RPS6KA4: variants seen among roughly 807,000 people sequenced by gnomAD.
RPS6KA4 encodes the protein ribosomal protein S6 kinase alpha-4.
Under a neutral mutation model 89.6 loss-of-function variants are expected in RPS6KA4, and 38 were observed. That is an observed-to-expected ratio of 0.42 (90% CI 0.33 to 0.56). The LOEUF (loss-of-function observed/expected upper bound fraction) is 0.56. Ranked by LOEUF, RPS6KA4 falls within the 20% of genes least tolerant of loss-of-function variation. RPS6KA4 has a pLI of 0.07. For synonymous variants in RPS6KA4, 495 were observed against 492.8 expected, an observed-to-expected ratio of 1.00 and a Z score of -0.06; for missense variants, 873 against 1,098.8, an observed-to-expected ratio of 0.79 and a Z score of 2.90.
chr11:64,369,164 G>A (rs1303200311), intron 12 of RPS6KA4, among the ~76,000 whole-genome samples: 2 of 152,150 alleles, frequency 1.3e-5, no homozygotes, highest in Non-Finnish European at 2.9e-5. Flanking sequence ...GGTGGCGTGC[G>A]CCTGTAATCC....
rs1317621508 is a variant in RPS6KA4 at position 64,370,335 on chromosome 11, C to A, written c.1908C>A (p.Asp636Glu). Residue 636 changes from aspartate (D) to glutamate (E), a missense_variant, in exon 15 of 17, where the codon GAC becomes GAA. By Grantham distance (45) the Asp-to-Glu change is conservative. Around this residue, in one of 4 missense-constraint regions of RPS6KA4, gnomAD observed 278 missense variants for 284.8 expected, o/e 0.98. Coordinates refer to ENST00000334205, the MANE Select transcript of RPS6KA4 (RefSeq NM_003942.3). The surrounding 1 kb of genome is among the most constrained non-coding windows in gnomAD (Gnocchi z 4.1). ...CKIREGRFSL[D>E]GEAWQGVSEE... ...TCCGCGAGGGGCGCTTCTCCCTTGACGGGGAGGCCTGGCAGGGTGTATCCG... is the reference window on the plus strand; with the variant it reads ...TCCGCGAGGGGCGCTTCTCCCTTGAAGGGGAGGCCTGGCAGGGTGTATCCG... The A allele has an allele frequency of 6.2e-7, 1 of 1,604,798 alleles. No individual in the cohort carries two copies. Among genetic ancestry groups the A allele is most frequent in the Non-Finnish European group, 8.5e-7 (1 of 1,177,320 alleles).
At position 64,368,228 on chromosome 11, in the gene RPS6KA4, C is replaced by G. The variant is rs768224928; in HGVS notation, c.1168C>G (p.Arg390Gly). 2 of 1,612,062 alleles carry G rather than the reference C, an allele frequency of 1.2e-6. No individual in the cohort carries two copies. Among genetic ancestry groups the G allele is most frequent in the Non-Finnish European group, 1.7e-6 (2 of 1,179,050 alleles). The change falls in exon 10 of 17, where the codon CGG (arginine) becomes GGG (glycine). Residue 390 changes from arginine to glycine, a missense_variant. By Grantham distance (125) the Arg-to-Gly change is moderately radical. This residue lies in a region of RPS6KA4 where 542 missense variants were observed against 736.4 expected (regional missense o/e 0.74). Coordinates refer to ENST00000334205, the MANE Select transcript of RPS6KA4 (RefSeq NM_003942.3). ...GCCTGGTGCTGGAGACCGGCCAGGT[C>G]GGGCAGCGGTGGCCAGGAGCGCTAT... Reference protein sequence around the residue: ...EAPGAGDRPGRAAVARSAMMQ... With the variant: ...EAPGAGDRPGGAAVARSAMMQ...
rs759683525 is a variant in RPS6KA4, at chr11:64,360,320, G to A, written c.285G>A (p.Ala95=). The A allele has an allele frequency of 6.5e-6, 10 of 1,549,062 alleles. No homozygotes were observed. The African/African-American group carries it at 8.2e-5, about 13-fold the overall frequency. Residue 95 remains alanine (A), a synonymous_variant, in exon 3 of 17, where the codon GCG becomes GCA. Transcript: ENST00000334205. ...CGGTGCTGGAGCTGGTGCGCCAGGC[G>A]CCCTTCCTGGTCACGCTGCACTACG... ...ERSVLELVRQ[A]PFLVTLHYAF... is the part of the protein sequence containing the mutation.
At chr11:64,368,018 C>A in intron 9 of RPS6KA4, 114 bp from the exon 10 acceptor site, 1 of 1,087,842 alleles carries the variant, frequency 9.2e-7, no homozygotes, top group Non-Finnish European at 1.4e-6. Context: ...CTGGAACACC[C>A]CCCACTGCCC....
rs1039897316 is a variant in RPS6KA4 at position 64,368,725 on chromosome 11, C to A, written c.1356C>A (p.Arg452=). Residue 452 remains arginine, a synonymous_variant, in exon 12 of 17, where the codon CGC becomes CGA. Coordinates refer to ENST00000334205, the MANE Select transcript of RPS6KA4 (RefSeq NM_003942.3). Reference sequence around the variant, plus strand: ...CCAGGCTGGAGGCGAACACGCAGCGCGAAGTGGCTGCCCTGCGCCTGTGCC... The same window carrying A: ...CCAGGCTGGAGGCGAACACGCAGCGAGAAGTGGCTGCCCTGCGCCTGTGCC... The part of the protein sequence containing the change: ...LSRRLEANTQ[R]EVAALRLCQS... 1.3e-6 allele frequency: 2 copies of A among 1,577,176 alleles called. No homozygotes were observed. The highest frequency in any genetic ancestry group is 1.3e-5 in the African/African-American group (1 of 74,354).
rs1185256919 is a variant in RPS6KA4, at chr11:64,371,438, AG to A, written c.2281del (p.Ala761ProfsTer23). 3 of 1,589,852 alleles carry A rather than the reference AG, an allele frequency of 1.9e-6. No homozygotes were observed. The highest frequency in any genetic ancestry group is 2.6e-6 in the Non-Finnish European group (3 of 1,167,752). ...CGGGCCGAGCCCCCGTCGCCTCCAA[AG>A]GGGCCCCCCGCCGAGCCAACGGCCC... The part of the protein sequence containing the change: ...NPGRAPVASK[G>X]APRRANGPLP... On this transcript the variant is annotated frameshift_variant, in exon 17 of 17. Coordinates refer to ENST00000334205, the MANE Select transcript of RPS6KA4 (RefSeq NM_003942.3). LOFTEE classifies it high-confidence loss of function.
In RPS6KA4 at chr11:64,369,443, C is replaced by A; in HGVS notation, c.1429-3C>A. On this transcript the variant is annotated splice_polypyrimidine_tract_variant and splice_region_variant and intron_variant, in intron 12 of 16. Transcript: ENST00000334205. ...TGACCTTGGCCCGCCACGCCGCCCG[C>A]AGCTGCACACGTACCTGGTCCTGGA... The A allele has an allele frequency of 6.3e-7, 1 of 1,595,696 alleles. No individual in the cohort carries two copies. Among genetic ancestry groups the A allele is most frequent in the Non-Finnish European group, 8.5e-7 (1 of 1,173,714 alleles).
Position 64,371,546 on chromosome 11 carries a change from G to T in RPS6KA4, c.*66G>T. 2 of 672,990 alleles carry T rather than the reference G, an allele frequency of 3.0e-6. No homozygotes were observed. The highest frequency in any genetic ancestry group is 5.1e-6 in the Non-Finnish European group (2 of 394,330). The allele number at this position is 672,990 out of a possible 1,614,324, so 41.7% of individuals were successfully genotyped here. On this transcript the variant is annotated 3_prime_UTR_variant, in exon 17 of 17. Transcript: ENST00000334205. The stretch of plus-strand genomic sequence containing the variant: ...CCTGGGAGCCCGGCTCACTCCCGGA[G>T]GCCTCTGCCTGCGGCTGACCTGATC...
Position 64,361,877 on chromosome 11 carries a change from T to A in RPS6KA4, c.781T>A (p.Phe261Ile), listed in dbSNP as rs561017906. ...ACGGATCCTGAAGTGCTCCCCTCCCTTCCCCCCTCGGATCGGGCCCGTGGC... is the reference window on the plus strand; with the variant it reads ...ACGGATCCTGAAGTGCTCCCCTCCCATCCCCCCTCGGATCGGGCCCGTGGC... ...SRRILKCSPP[F>I]PPRIGPVAQD... Residue 261 changes from phenylalanine (F) to isoleucine (I), a missense_variant, in exon 8 of 17, where the codon TTC (phenylalanine) becomes ATC (isoleucine). Physicochemically the swap from Phe to Ile is conservative, Grantham distance 21. This residue lies in a region of RPS6KA4 where 542 missense variants were observed against 736.4 expected (regional missense o/e 0.74). Coordinates refer to ENST00000334205, the MANE Select transcript of RPS6KA4 (RefSeq NM_003942.3). This position sits in a 1 kb window ranked among gnomAD's most constrained non-coding sequence, Gnocchi z 4.7. The A allele has an allele frequency of 6.2e-6, 10 of 1,612,612 alleles. No individual in the cohort carries two copies. The highest frequency in any genetic ancestry group is 2.2e-5 in the South Asian group (2 of 91,078).
rs1012936966 is a variant in RPS6KA4 at position 64,365,526 on chromosome 11, C to A, written c.1071+61C>A. The A allele has an allele frequency of 5.1e-6, 8 of 1,583,778 alleles. No homozygotes were observed. In the Admixed American group the frequency reaches 1.2e-4, roughly 24 times the overall value. On this transcript the variant is annotated intron_variant, in intron 9 of 16. Transcript: ENST00000334205. ...GATGAGATGTTGCTGTCTGCCTCAGCCCTGGCTGGCCCGAGGACACTGCCT... is the reference window on the plus strand; with the variant it reads ...GATGAGATGTTGCTGTCTGCCTCAGACCTGGCTGGCCCGAGGACACTGCCT...
chr11:64,365,761 G>C (rs1231632219), intron 9 of RPS6KA4, among the ~76,000 whole-genome samples: 2 of 152,198 alleles, frequency 1.3e-5, no homozygotes, highest in African/African-American at 4.8e-5. Context: ...ACTTGCGGCT[G>C]GGTGTGGTGG....
At chr11:64,367,100 A>G (rs1174992584) in intron 9 of RPS6KA4, among the ~76,000 whole-genome samples, 11 of 152,252 alleles carry the variant, frequency 7.2e-5, no homozygotes, top group Non-Finnish European at 1.6e-4. Context: ...CTACATTTTT[A>G]GGAGAAGATG....
In RPS6KA4 at chr11:64,370,510, G is replaced by A; in HGVS notation, c.1958-53G>A. The A allele has an allele frequency of 1.3e-6, 2 of 1,595,096 alleles. No individual in the cohort carries two copies. Among genetic ancestry groups the A allele is most frequent in the South Asian group, 1.1e-5 (1 of 89,980 alleles). ...GAGTGGGGCTGTTACGATCTCTTTG[G>A]GGCTCAGCCTTTACGCCAGGCTCCT... On this transcript the variant is annotated intron_variant, in intron 15 of 16. Coordinates refer to ENST00000334205, the MANE Select transcript of RPS6KA4 (RefSeq NM_003942.3). The surrounding 1 kb of genome is among the most constrained non-coding windows in gnomAD (Gnocchi z 4.1).
Position 64,371,412 on chromosome 11 carries a change from C to T in RPS6KA4, c.2251C>T (p.Pro751Ser). ...CCGGGGCTCCCCTGCACCAGCCAAC[C>T]CGGGCCGAGCCCCCGTCGCCTCCAA... Reference protein sequence around the residue: ...SRRGSPAPANPGRAPVASKGA... With the variant: ...SRRGSPAPANSGRAPVASKGA... Residue 751 changes from proline (P) to serine (S), a missense_variant, in exon 17 of 17, where the codon CCG (proline) becomes TCG (serine). Pro to Ser is a moderately conservative substitution (Grantham distance 74). Coordinates refer to ENST00000334205, the MANE Select transcript of RPS6KA4 (RefSeq NM_003942.3). The T allele has an allele frequency of 6.2e-7, 1 of 1,609,028 alleles. No homozygotes were observed. Among genetic ancestry groups the T allele is most frequent in the South Asian group, 1.1e-5 (1 of 90,872 alleles).
rs201471880 is a variant in RPS6KA4, at chr11:64,368,491, C to T, written c.1224C>T (p.Tyr408=). The T allele has an allele frequency of 1.8e-4, 273 of 1,556,970 alleles. No homozygotes were observed. In the East Asian group the frequency reaches 5.9e-3, roughly 33 times the overall value. ...AGGACTCGCCCTTCTTCCAGCAGTA[C>T]GAGCTGGACCTGCGGGAGCCTGCGC... is the stretch of plus-strand genomic sequence containing the variant. ...MMQDSPFFQQ[Y]ELDLREPALG... Residue 408 remains tyrosine, a synonymous_variant, in exon 11 of 17, where the codon TAC becomes TAT. Transcript: ENST00000334205.
At chr11:64,359,811 C>A (rs2036692707) in intron 2 of RPS6KA4, 4 of 531,192 alleles carry the variant, frequency 7.5e-6, no homozygotes, top group Non-Finnish European at 6.7e-6. Context: ...GCATCCCTTC[C>A]CCAGCCAGGT....
chr11:64,371,349 C>G lies in RPS6KA4; in HGVS notation c.2188C>G (p.Arg730Gly). Residue 730 changes from arginine (R) to glycine (G), a missense_variant, in exon 17 of 17, where the codon CGG becomes GGG. Physicochemically the swap from Arg to Gly is moderately radical, Grantham distance 125. Around this residue, in one of 4 missense-constraint regions of RPS6KA4, gnomAD observed 278 missense variants for 284.8 expected, o/e 0.98. Transcript: ENST00000334205. The part of the protein sequence containing the change: ...KSVENAPLAK[R>G]RKQKLRSATA... Reference sequence around the variant, plus strand: ...CGTGGAGAATGCACCCCTGGCCAAGCGGCGGAAGCAGAAGCTGCGGAGCGC... The same window carrying G: ...CGTGGAGAATGCACCCCTGGCCAAGGGGCGGAAGCAGAAGCTGCGGAGCGC... 1.9e-6 allele frequency: 3 copies of G among 1,612,818 alleles called. No individual in the cohort carries two copies. Among genetic ancestry groups the G allele is most frequent in the Non-Finnish European group, 2.5e-6 (3 of 1,179,916 alleles).
chr11:64,365,427 C>G lies in RPS6KA4; in HGVS notation c.1033C>G (p.Pro345Ala). Residue 345 changes from proline (P) to alanine (A), a missense_variant, in exon 9 of 17, where the codon CCT (proline) becomes GCT (alanine). By Grantham distance (27) the Pro-to-Ala change is conservative. This residue lies in a region of RPS6KA4 where 542 missense variants were observed against 736.4 expected (regional missense o/e 0.74). Coordinates refer to ENST00000334205, the MANE Select transcript of RPS6KA4 (RefSeq NM_003942.3). Reference protein sequence around the residue: ...FTRLEPVYSPPGSPPPGDPRI... With the variant: ...FTRLEPVYSPAGSPPPGDPRI... ...TCGGCTGGAGCCTGTCTACTCACCCCCTGGCAGCCCCCCACCTGGGGACCC... is the reference window on the plus strand; with the variant it reads ...TCGGCTGGAGCCTGTCTACTCACCCGCTGGCAGCCCCCCACCTGGGGACCC... 1 of 1,614,086 alleles carries G rather than the reference C, an allele frequency of 6.2e-7. No homozygotes were observed. Among genetic ancestry groups the G allele is most frequent in the East Asian group, 2.2e-5 (1 of 44,884 alleles).
At chr11:64,369,013 C>T (rs2036973917) in intron 12 of RPS6KA4, among the ~76,000 whole-genome samples, 1 of 151,868 alleles carries the variant, frequency 6.6e-6, no homozygotes, top group African/African-American at 2.4e-5. Flanking sequence ...GGACTTTGGC[C>T]GGGCGCGATG....
Sources: gnomAD v4.1 joint callset for allele counts (sites outside exome capture counted in the v4.1 genomes callset) on GRCh38, gnomAD v4.1.1 for gene constraint, gnomAD v4.1.1 regional missense constraint, Gnocchi (gnomAD v3.1) non-coding constraint, MANE v1.5 for transcripts, NCBI Gene and HGNC (gene_info 2026-07-23, HGNC 2026-07-21) for gene names.